MORF4L1: variants seen among roughly 807,000 people sequenced by gnomAD.
MORF4L1 encodes mortality factor 4-like protein 1.
Under a neutral mutation model 52.9 loss-of-function variants are expected in MORF4L1, and 4 were observed. That is an observed-to-expected ratio of 0.08 (90% CI 0.04 to 0.17). MORF4L1 has a LOEUF of 0.17. Among genes scored for constraint, MORF4L1 ranks in the 10% least tolerant of loss-of-function variants. The probability of loss-of-function intolerance (pLI) is 1.00; values close to 1 mark genes in which losing one functional copy is unlikely to be tolerated. For missense variants in MORF4L1, 214 were observed against 390.4 expected, an observed-to-expected ratio of 0.55 and a Z score of 3.81; for synonymous variants, 123 against 134.8, an observed-to-expected ratio of 0.91 and a Z score of 0.61.
At chr15:78,891,035 A>G (rs754630023) in intron 6 of MORF4L1, 21 bp downstream of exon 6, 19 of 1,480,664 alleles carry the variant, frequency 1.3e-5, no homozygotes, top group Non-Finnish European at 1.7e-5. Flanking sequence ...TAACTTTCTT[A>G]ACGTTAATTT....
At chr15:78,889,455 A>T (rs991897137) in intron 5 of MORF4L1, among the ~76,000 whole-genome samples, 5 of 152,280 alleles carry the variant, frequency 3.3e-5, no homozygotes, top group African/African-American at 7.2e-5. Context: ...GAAAATTGGG[A>T]TTTTTGGAGC....
rs1188508790 is a variant in MORF4L1 at position 78,893,527 on chromosome 15, T to G, written c.541-12T>G. The G allele has an allele frequency of 6.4e-7, 1 of 1,573,790 alleles. No individual in the cohort carries two copies. Among genetic ancestry groups the G allele is most frequent in the Non-Finnish European group, 8.7e-7 (1 of 1,145,092 alleles). On this transcript the variant is annotated splice_polypyrimidine_tract_variant and intron_variant, in intron 8 of 11. Coordinates refer to ENST00000426013, the MANE Select transcript of MORF4L1 (RefSeq NM_006791.4). The stretch of plus-strand genomic sequence containing the variant: ...AGAGTGCTTATATTTAAGCATATTT[T>G]TGTCTTCATAGCTCTTTTATCTTCC...
At position 78,895,900 on chromosome 15, in the gene MORF4L1, C is replaced by T. The variant is rs2056878788; in HGVS notation, c.887+996C>T. 2.0e-5 allele frequency among the ~76,000 whole-genome samples: 3 copies of T among 151,978 alleles called. No homozygotes were observed. In the South Asian group the frequency reaches 6.2e-4, roughly 32 times the overall value. Reference sequence around the variant, plus strand: ...ATCTTTTCTTTACTAATGATAAATACCTTCTTTGGACCTCAGTTTCTTTAT... The same window carrying T: ...ATCTTTTCTTTACTAATGATAAATATCTTCTTTGGACCTCAGTTTCTTTAT... On this transcript the variant is annotated intron_variant, in intron 11 of 11. Transcript: ENST00000426013.
At position 78,894,910 on chromosome 15, in the gene MORF4L1, T is replaced by C; in HGVS notation, c.887+6T>C. The C allele has an allele frequency of 1.2e-6, 2 of 1,605,640 alleles. No homozygotes were observed. The highest frequency in any genetic ancestry group is 2.2e-5 in the South Asian group (2 of 90,888). On this transcript the variant is annotated splice_donor_region_variant and intron_variant, in intron 11 of 11. Transcript: ENST00000426013. ...TATCTTCACGATTTCCTAAAGTAAG[T>C]CTGTGCTTGAAATTATAAACATGGA...
chr15:78,897,088 T>A lies in MORF4L1; in HGVS notation c.*21T>A. On this transcript the variant is annotated 3_prime_UTR_variant, in exon 12 of 12. Transcript: ENST00000426013. ...TGTGAGAGGCACTCTCACTCACTTA[T>A]GTTTGGATCTCCGTAAACACATTTT... is the stretch of plus-strand genomic sequence containing the variant. 6.3e-7 allele frequency: 1 copy of A among 1,580,970 alleles called. No individual in the cohort carries two copies. The highest frequency in any genetic ancestry group is 8.7e-7 in the Non-Finnish European group (1 of 1,151,882).
At chr15:78,896,020 C>G (rs2056881232) in intron 11 of MORF4L1, among the ~76,000 whole-genome samples, 1 of 152,074 alleles carries the variant, frequency 6.6e-6, no homozygotes, top group African/African-American at 2.4e-5. Context: ...GCTCTGTCGC[C>G]CAGGCTGGAG....
intron 5 of MORF4L1, among the ~76,000 whole-genome samples, chr15:78,888,770 G>T (rs1233213859): frequency 6.6e-6 from 1 of 151,404 alleles, no homozygotes; most frequent in Admixed American, 6.6e-5. Context: ...AATGCATTTG[G>T]AGATGTTTGA....
chr15:78,887,511 G>A (rs954249912), intron 5 of MORF4L1, 162 bp downstream of exon 5: 9 of 526,526 alleles, frequency 1.7e-5, no homozygotes, highest in South Asian at 7.4e-5. Flanking sequence ...TTAAAATAAC[G>A]TATTCCTTAA....
chr15:78,880,983 A>T (rs568449490), intron 3 of MORF4L1, among the ~76,000 whole-genome samples: 13 of 151,908 alleles, frequency 8.6e-5, no homozygotes, highest in Non-Finnish European at 1.5e-4. Flanking sequence ...AAAAAAAACT[A>T]GTTGGGTTTT....
chr15:78,873,143 G>C, intron 1 of MORF4L1, 86 bp downstream of exon 1: 1 of 1,543,638 alleles, frequency 6.5e-7, no homozygotes, highest in Non-Finnish European at 8.7e-7. Flanking sequence ...AGGGCCGGGG[G>C]CGGCGCGGGC....
chr15:78,873,206 G>A, intron 1 of MORF4L1, 149 bp downstream of exon 1: 4 of 1,515,412 alleles, frequency 2.6e-6, no homozygotes, highest in South Asian at 2.5e-5. Flanking sequence ...GCGCATTGCG[G>A]ATGGCAATTC....
intron 1 of MORF4L1, among the ~76,000 whole-genome samples, chr15:78,876,152 G>A (rs28651795): frequency 0.043 from 6,596 of 151,872 alleles, 471 homozygotes; most frequent in African/African-American, 0.15. Flanking sequence ...TGGCCAGGAT[G>A]GTCTCGATCT....
Position 78,897,821 on chromosome 15 carries a change from G to T in MORF4L1, c.*754G>T, listed in dbSNP as rs1203543287. The T allele has an allele frequency of 1.3e-5, 2 of 152,496 alleles. No individual in the cohort carries two copies. Among genetic ancestry groups the T allele is most frequent in the African/African-American group, 2.4e-5 (1 of 41,416 alleles). The allele number at this position is 152,496 out of a possible 1,614,324, so 9.4% of individuals were successfully genotyped here. A position where few individuals can be genotyped will look rare whatever the true frequency, so the allele number is the denominator to read the frequency against. ...ATTTAGACAGTGGTTTTTCAGGTGC[G>T]TGCTTTGTTTTCTGGTATGGCCTTT... On this transcript the variant is annotated 3_prime_UTR_variant, in exon 12 of 12. Transcript: ENST00000426013.
intron 1 of MORF4L1, 82 bp downstream of exon 1, chr15:78,873,139 G>A: frequency 2.0e-6 from 3 of 1,536,652 alleles, no homozygotes; most frequent in Non-Finnish European, 2.6e-6. Flanking sequence ...CTTGAGGGCC[G>A]GGGGCGGCGC....
chr15:78,892,705 C>T (rs1262405382), intron 8 of MORF4L1: 2 of 157,508 alleles, frequency 1.3e-5, no homozygotes, highest in African/African-American at 4.8e-5. Flanking sequence ...TTACTAAGCG[C>T]CTGGATCTAT....
At chr15:78,889,834 A>G (rs1041191802) in intron 5 of MORF4L1, among the ~76,000 whole-genome samples, 1 of 152,182 alleles carries the variant, frequency 6.6e-6, no homozygotes, top group Admixed American at 6.5e-5. Context: ...ACAGAAAAGT[A>G]AAAAATCCAG....
chr15:78,873,282 G>C (rs890230675), intron 1 of MORF4L1: 123 of 1,416,044 alleles, frequency 8.7e-5, no homozygotes, highest in Non-Finnish European at 1.1e-4. Flanking sequence ...GAGTGGGAGA[G>C]AGAGCGTTTG....
At chr15:78,885,703 T>G (rs1174620572) in intron 3 of MORF4L1, among the ~76,000 whole-genome samples, 5 of 152,218 alleles carry the variant, frequency 3.3e-5, no homozygotes, top group Admixed American at 6.5e-5. Context: ...TTATCCTCAT[T>G]TCATAGAGAA....
At chr15:78,881,841 C>T (rs1791525175) in intron 3 of MORF4L1, among the ~76,000 whole-genome samples, 2 of 152,126 alleles carry the variant, frequency 1.3e-5, no homozygotes, top group South Asian at 2.1e-4. Flanking sequence ...GACTCAGGCT[C>T]TTTTACCTGG....
Sources: allele counts gnomAD v4.1 joint callset (sites outside exome capture counted in the v4.1 genomes callset), GRCh38; gene constraint gnomAD v4.1.1; transcripts MANE v1.5; gene names NCBI Gene and HGNC (gene_info 2026-07-23, HGNC 2026-07-21).